The following CTDP1 variants were observed in gnomAD, a reference collection of about 807,000 sequenced individuals.
CTDP1 encodes RNA polymerase II subunit A C-terminal domain phosphatase.
CTDP1 carries 47 observed loss-of-function variants against 91.8 expected under a neutral mutation model. The observed-to-expected ratio is 0.51, with a 90% CI of 0.41 to 0.65. The LOEUF (loss-of-function observed/expected upper bound fraction) is 0.65. Ranked by LOEUF, CTDP1 falls within the 30% of genes least tolerant of loss-of-function variation. The pLI is 0.00. For synonymous variants in CTDP1, 656 were observed against 598.5 expected (o/e 1.10, Z -1.40); for missense variants, 1,272 against 1,373.7 (o/e 0.93, Z 1.17).
intron 6 of CTDP1, among the ~76,000 whole-genome samples, chr18:79,711,988 G>A (rs939154863): frequency 5.7e-4 from 6 of 10,530 alleles, no homozygotes; most frequent in African/African-American, 1.5e-3. Context: ...GGTTCTCGGT[G>A]GCCAGTCCCC....
At chr18:79,744,237 C>T (rs535244138) in intron 12 of CTDP1, among the ~76,000 whole-genome samples, 10 of 152,314 alleles carry the variant, frequency 6.6e-5, no homozygotes, top group East Asian at 1.9e-4. Context: ...AAAACAGAGC[C>T]GTGCCCCGAC....
intron 11 of CTDP1, 130 bp downstream of exon 11, chr18:79,729,199 T>C: frequency 8.2e-7 from 1 of 1,217,116 alleles, no homozygotes; most frequent in Non-Finnish European, 1.2e-6. Flanking sequence ...TGTAGTTGTG[T>C]CTGGTTTGGG....
intron 1 of CTDP1, among the ~76,000 whole-genome samples, chr18:79,689,296 A>G (rs533347329): frequency 6.6e-6 from 1 of 152,120 alleles, no homozygotes; most frequent in Non-Finnish European, 1.5e-5. Flanking sequence ...AAAAGTTACA[A>G]CTTTTCCTGT....
chr18:79,678,068 C>CA (rs1226117154), upstream of CTDP1: 3 of 152,230 alleles, frequency 2.0e-5, no homozygotes, highest in Non-Finnish European at 4.4e-5. Context: ...CCCACAGCTA[C>CA]AAAAAATGCA....
chr18:79,694,356 T>G lies in CTDP1; in HGVS notation c.315-869T>G, dbSNP rs1264112061. Among the ~76,000 whole-genome samples the G allele has an allele frequency of 3.2e-5, 3 of 95,018 alleles. 1 individual carries two copies. Among genetic ancestry groups the G allele is most frequent in the African/African-American group, 1.1e-4 (3 of 28,196 alleles). The allele number at this position is 95,018 out of a possible 152,430, so 62.3% of individuals were successfully genotyped here. A position where few individuals can be genotyped will look rare whatever the true frequency, so the allele number is the denominator to read the frequency against. On this transcript the variant is annotated intron_variant, in intron 1 of 12. Coordinates refer to ENST00000613122, the MANE Select transcript of CTDP1 (RefSeq NM_004715.5). ...CCAGCTGGGACGGGAGTGTGGGGGT[T>G]GCGAGCTCCTAGGGACACTGAGTGC...
chr18:79,721,931 C>A (rs1451597174), intron 10 of CTDP1, among the ~76,000 whole-genome samples: 1 of 151,636 alleles, frequency 6.6e-6, no homozygotes, highest in Non-Finnish European at 1.5e-5. Flanking sequence ...TCAAGCAATT[C>A]TCATGCCTCA....
Position 79,713,199 on chromosome 18 carries a change from C to G in CTDP1, c.1030+61C>G. ...CACATTTGCTTATTGTTTAGCTCTT[C>G]TTATTTCTTATCTCTGTTTTGACTG... On this transcript the variant is annotated intron_variant, in intron 7 of 12. Coordinates refer to ENST00000613122, the MANE Select transcript of CTDP1 (RefSeq NM_004715.5). The surrounding 1 kb of genome is among the most constrained non-coding windows in gnomAD (Gnocchi z 4.7). The G allele has an allele frequency of 6.7e-7, 1 of 1,492,658 alleles. No individual in the cohort carries two copies. The highest frequency in any genetic ancestry group is 1.2e-5 in the South Asian group (1 of 85,572). 92.5% of individuals were successfully genotyped at this position (1,492,658 alleles called of 1,614,324 possible). A position where few individuals can be genotyped will look rare whatever the true frequency, so the allele number is the denominator to read the frequency against.
chr18:79,680,557 T>G (rs1287749342), intron 1 of CTDP1, among the ~76,000 whole-genome samples: 1 of 152,246 alleles, frequency 6.6e-6, no homozygotes, highest in Admixed American at 6.5e-5. Flanking sequence ...CCCCTTCCTT[T>G]AGCTCCACCT....
At chr18:79,731,449 C>G (rs1047487587) in intron 11 of CTDP1, among the ~76,000 whole-genome samples, 1 of 152,162 alleles carries the variant, frequency 6.6e-6, no homozygotes, top group Non-Finnish European at 1.5e-5. Flanking sequence ...TGAGGAGCAG[C>G]TTTGGGAACT....
rs112322343 is a variant in CTDP1, at chr18:79,753,682, C to T, written c.2778C>T (p.Asp926=). 2.7e-5 allele frequency: 44 copies of T among 1,614,046 alleles called. No homozygotes were observed. Among genetic ancestry groups the T allele is most frequent in the African/African-American group, 2.3e-4 (17 of 74,930 alleles). ...ACAAGAGGAAGCTGAATGAAGAGGA[C>T]GCCGCCAGCGAGTCCAGCAGGGAGT... ...RGHKRKLNEE[D]AASESSRESS... is the part of the protein sequence containing the mutation. Residue 926 remains aspartate, a synonymous_variant, in exon 13 of 13, where the codon GAC becomes GAT. Coordinates refer to ENST00000613122, the MANE Select transcript of CTDP1 (RefSeq NM_004715.5).
intron 10 of CTDP1, among the ~76,000 whole-genome samples, chr18:79,720,600 C>G (rs924876233): frequency 1.3e-5 from 2 of 152,236 alleles, no homozygotes; most frequent in Non-Finnish European, 2.9e-5. Flanking sequence ...CCATCGTGTT[C>G]TGGTGACGAT....
intron 1 of CTDP1, among the ~76,000 whole-genome samples, chr18:79,693,614 T>C (rs1353299100): frequency 6.6e-6 from 1 of 152,176 alleles, no homozygotes; most frequent in Non-Finnish European, 1.5e-5. Flanking sequence ...GCACATGCAC[T>C]GTGTACGCAC....
intron 12 of CTDP1, among the ~76,000 whole-genome samples, chr18:79,739,237 A>G (rs1415610304): frequency 1.3e-5 from 2 of 152,084 alleles, no homozygotes; most frequent in Non-Finnish European, 1.5e-5. Context: ...GTGCTTTTCC[A>G]CTAAGACCAG....
In CTDP1 at chr18:79,753,745, C is replaced by G; in HGVS notation, c.2841C>G (p.Asp947Glu). 6.2e-7 allele frequency: 1 copy of G among 1,613,952 alleles called. No individual in the cohort carries two copies. Among genetic ancestry groups the G allele is most frequent in the East Asian group, 2.2e-5 (1 of 44,878 alleles). ...NEDEGSSSEA[D>E]EMAKALEAEL... ...ATGAGGGCAGCAGCTCCGAGGCCGACGAGATGGCCAAGGCGCTGGAGGCGG... is the reference window on the plus strand; with the variant it reads ...ATGAGGGCAGCAGCTCCGAGGCCGAGGAGATGGCCAAGGCGCTGGAGGCGG... Residue 947 changes from aspartate (D) to glutamate (E), a missense_variant, in exon 13 of 13, where the codon GAC (aspartate) becomes GAG (glutamate). By Grantham distance (45) the Asp-to-Glu change is conservative. Coordinates refer to ENST00000613122, the MANE Select transcript of CTDP1 (RefSeq NM_004715.5).
rs640084 is a variant in CTDP1 at position 79,746,238 on chromosome 18, A to T, written c.2748-7414A>T. Among the ~76,000 whole-genome samples, 65 of 17,152 alleles carry T rather than the reference A, an allele frequency of 3.8e-3. 7 individuals are homozygous for T. The highest frequency in any genetic ancestry group is 6.8e-3 in the Admixed American group (9 of 1,328). The allele number at this position is 17,152 out of a possible 152,430, so 11.3% of individuals were successfully genotyped here. A position where few individuals can be genotyped will look rare whatever the true frequency, so the allele number is the denominator to read the frequency against. Reference sequence around the variant, plus strand: ...CCGCGTCCCTCCCGTGCGCGTTCTGACCCCGCGTCCCTCCCGTGCGCGTTC... The same window carrying T: ...CCGCGTCCCTCCCGTGCGCGTTCTGTCCCCGCGTCCCTCCCGTGCGCGTTC... On this transcript the variant is annotated intron_variant, in intron 12 of 12. Transcript: ENST00000613122.
At chr18:79,699,888 G>A (rs1042977594) in intron 4 of CTDP1, among the ~76,000 whole-genome samples, 2 of 152,186 alleles carry the variant, frequency 1.3e-5, no homozygotes, top group South Asian at 2.1e-4. Flanking sequence ...CCTCGTTAGT[G>A]CTCTGCTGTT....
intron 12 of CTDP1, among the ~76,000 whole-genome samples, chr18:79,744,891 A>T (rs1352646177): frequency 2.0e-5 from 3 of 152,216 alleles, no homozygotes; most frequent in Non-Finnish European, 4.4e-5. Context: ...GAGGGTCTTG[A>T]GGAAGAGCAG....
At position 79,695,319 on chromosome 18, in the gene CTDP1, G is replaced by T; in HGVS notation, c.398+11G>T. The T allele has an allele frequency of 6.2e-7, 1 of 1,613,386 alleles. No individual in the cohort carries two copies. On this transcript the variant is annotated intron_variant, in intron 2 of 12. Transcript: ENST00000613122. ...CCAAGACCTCACCCAGTAAGTATCC[G>T]GAAGAGTGAGATCGCTGCCTGCTGG... is the stretch of plus-strand genomic sequence containing the variant.
intron 1 of CTDP1, among the ~76,000 whole-genome samples, chr18:79,688,822 G>C (rs1162744119): frequency 2.0e-5 from 3 of 152,376 alleles, no homozygotes; most frequent in South Asian, 2.1e-4. Flanking sequence ...TTACAGGCGT[G>C]AGCCACCACA....
Sources: allele counts gnomAD v4.1 joint callset (sites outside exome capture counted in the v4.1 genomes callset), GRCh38; gene constraint gnomAD v4.1.1; non-coding constraint Gnocchi (gnomAD v3.1); transcripts MANE v1.5; gene names NCBI Gene and HGNC (gene_info 2026-07-23, HGNC 2026-07-21).